The following MACROD2 variants were observed in gnomAD, a reference collection of about 807,000 sequenced individuals.
The protein encoded by MACROD2 is mono-ADP ribosylhydrolase 2, also known as ADP-ribose glycohydrolase MACROD2.
A neutral mutation model predicts 70.4 loss-of-function variants in MACROD2; 36 were observed. The ratio of observed to expected loss-of-function variants is 0.51; its 90% CI spans 0.39 to 0.68. The LOEUF is 0.68. Among genes scored for constraint, MACROD2 ranks in the 30% least tolerant of loss-of-function variants. The probability of loss-of-function intolerance (pLI) is 0.00; values close to 1 mark genes in which losing one functional copy is unlikely to be tolerated. For missense variants in MACROD2, 496 were observed against 538.4 expected (o/e 0.92, Z 0.78); for synonymous variants, 172 against 178.8 (o/e 0.96, Z 0.30).
chr20:14,557,074 T>C (rs1467344510), intron 4 of MACROD2, among the ~76,000 whole-genome samples: 1 of 151,984 alleles, frequency 6.6e-6, no homozygotes, highest in Admixed American at 6.6e-5. Flanking sequence ...AAGCCTTCCA[T>C]TGATGTCCAA....
At chr20:15,700,292 A>G (rs1244820921) in intron 8 of MACROD2, among the ~76,000 whole-genome samples, 1 of 152,146 alleles carries the variant, frequency 6.6e-6, no homozygotes, top group Non-Finnish European at 1.5e-5. Context: ...TCTCTGAGAG[A>G]GCAACCCAAA....
At chr20:15,641,295 T>A (rs765406720) in intron 8 of MACROD2, among the ~76,000 whole-genome samples, 6 of 152,206 alleles carry the variant, frequency 3.9e-5, no homozygotes, top group Non-Finnish European at 8.8e-5. Context: ...ACTTTGGGCC[T>A]TTGGTGCTGT....
intron 13 of MACROD2, among the ~76,000 whole-genome samples, chr20:15,979,562 G>T (rs2066364578): frequency 6.7e-6 from 1 of 148,862 alleles, no homozygotes. Context: ...AAGAGTCCAA[G>T]CTCCTCTGAA....
chr20:14,817,330 C>G (rs986645399), intron 5 of MACROD2, among the ~76,000 whole-genome samples: 2 of 152,150 alleles, frequency 1.3e-5, no homozygotes, highest in African/African-American at 2.4e-5. Flanking sequence ...TGCCCATGAC[C>G]AATTCACTGG....
At chr20:14,677,879 T>C (rs1258213758) in intron 4 of MACROD2, among the ~76,000 whole-genome samples, 1 of 152,134 alleles carries the variant, frequency 6.6e-6, no homozygotes, top group Non-Finnish European at 1.5e-5. Context: ...AATACATTCA[T>C]TCTAGTAATA....
intron 11 of MACROD2, among the ~76,000 whole-genome samples, chr20:15,936,433 ATATATG>A (rs1230613017): frequency 6.7e-6 from 1 of 148,278 alleles, no homozygotes; most frequent in East Asian, 1.9e-4. Context: ...TATATATACT[ATATATG>A]TATATGTATA....
At chr20:14,491,811 T>C (rs1454952542) in intron 3 of MACROD2, among the ~76,000 whole-genome samples, 1 of 152,202 alleles carries the variant, frequency 6.6e-6, no homozygotes, top group Non-Finnish European at 1.5e-5. Flanking sequence ...TTTTTCCTTA[T>C]GAATGAATAT....
chr20:15,590,649 G>A (rs529826394), intron 8 of MACROD2, among the ~76,000 whole-genome samples: 6 of 152,200 alleles, frequency 3.9e-5, no homozygotes, highest in East Asian at 1.9e-4. Context: ...TTGGGAGGCC[G>A]AGGCAGGTGG....
intron 5 of MACROD2, among the ~76,000 whole-genome samples, chr20:15,091,367 A>G (rs750749642): frequency 6.6e-6 from 1 of 152,192 alleles, no homozygotes; most frequent in Non-Finnish European, 1.5e-5. Flanking sequence ...AAAAAAATGA[A>G]AAATAAAAGT....
At chr20:14,112,489 A>G (rs2054464445) in intron 3 of MACROD2, among the ~76,000 whole-genome samples, 1 of 152,056 alleles carries the variant, frequency 6.6e-6, no homozygotes, top group South Asian at 2.1e-4. Flanking sequence ...AAATGTATAT[A>G]CCTACTATGT....
chr20:14,162,838 A>G (rs1298285304), intron 3 of MACROD2, among the ~76,000 whole-genome samples: 1 of 151,962 alleles, frequency 6.6e-6, no homozygotes, highest in Non-Finnish European at 1.5e-5. Context: ...ACCTGTCTAT[A>G]TTTTTTAAGT....
At chr20:15,155,422 T>C (rs757825199) in intron 5 of MACROD2, among the ~76,000 whole-genome samples, 1 of 152,180 alleles carries the variant, frequency 6.6e-6, no homozygotes, top group African/African-American at 2.4e-5. Context: ...TAACAATCTG[T>C]CTGATTCTCC....
At chr20:15,816,911 T>A (rs2063882440) in intron 8 of MACROD2, among the ~76,000 whole-genome samples, 1 of 152,166 alleles carries the variant, frequency 6.6e-6, no homozygotes, top group African/African-American at 2.4e-5. Flanking sequence ...TGGTAGAGAC[T>A]TTGTCTAATG....
chr20:15,397,673 G>T (rs1200621801), intron 6 of MACROD2, among the ~76,000 whole-genome samples: 2 of 152,108 alleles, frequency 1.3e-5, no homozygotes, highest in African/African-American at 4.8e-5. Context: ...AGTGAAAGAA[G>T]ATATAAGAAT....
intron 6 of MACROD2, among the ~76,000 whole-genome samples, chr20:15,404,349 T>C (rs998980535): frequency 2.0e-5 from 3 of 152,222 alleles, no homozygotes; most frequent in African/African-American, 7.2e-5. Context: ...GGCACAATTG[T>C]TTTTAATGCT....
chr20:15,777,385 C>G (rs1352359217), intron 8 of MACROD2, among the ~76,000 whole-genome samples: 1 of 151,008 alleles, frequency 6.6e-6, no homozygotes, highest in African/African-American at 2.4e-5. Context: ...TAGAAAAATA[C>G]TAATCTAGTC....
chr20:14,195,998 C>A (rs1254990007), intron 3 of MACROD2, among the ~76,000 whole-genome samples: 1 of 152,102 alleles, frequency 6.6e-6, no homozygotes, highest in Admixed American at 6.5e-5. Flanking sequence ...AAAAGAGCAC[C>A]GTGTAACACA....
At chr20:15,876,111 A>ATATATATATATATATGTG (rs1555789655) in intron 9 of MACROD2, among the ~76,000 whole-genome samples, 6 of 138,846 alleles carry the variant, frequency 4.3e-5, no homozygotes, top group Middle Eastern at 3.7e-3. Flanking sequence ...ATATATATAT[A>ATATATATATATATATGTG]TGTGTGTATT....
At chr20:15,465,581 C>G (rs1198369318) in intron 7 of MACROD2, among the ~76,000 whole-genome samples, 2 of 152,264 alleles carry the variant, frequency 1.3e-5, no homozygotes, top group African/African-American at 4.8e-5. Flanking sequence ...AGGGGAGCGC[C>G]AGCTCAGGGC....
Sources: gnomAD v4.1 joint callset for allele counts (sites outside exome capture counted in the v4.1 genomes callset) on GRCh38, gnomAD v4.1.1 for gene constraint, MANE v1.5 for transcripts, NCBI Gene and HGNC (gene_info 2026-07-23, HGNC 2026-07-21) for gene names.